The following EVC variants were observed in gnomAD, a reference collection of about 807,000 sequenced individuals.
EVC encodes the protein evC complex member EVC.
In EVC, 116 loss-of-function variants were observed where a neutral mutation model predicts 118.9. The ratio of observed to expected loss-of-function variants is 0.98; its 90% CI spans 0.84 to 1.14. The LOEUF (loss-of-function observed/expected upper bound fraction) is 1.14, where lower values mean the gene tolerates loss of function less well. Ranked by LOEUF, EVC falls within the 50% of genes most tolerant of loss-of-function variation. The pLI, the probability that EVC is intolerant of heterozygous loss-of-function variation, is 0.00. For missense variants in EVC, 1,401 were observed against 1,246.4 expected (o/e 1.12, Z -1.87); for synonymous variants, 619 against 534.7 (o/e 1.16, Z -2.18).
intron 1 of EVC, among the ~76,000 whole-genome samples, chr4:5,714,092 C>T (rs1723537940): frequency 1.3e-5 from 2 of 152,180 alleles, no homozygotes; most frequent in African/African-American, 2.4e-5. Context: ...GTTCTCTCCG[C>T]CTGCGCGGTC....
At chr4:5,729,485 G>C (rs1726436058) in intron 3 of EVC, 95 bp downstream of exon 3, 7 of 1,259,868 alleles carry the variant, frequency 5.6e-6, no homozygotes, top group Non-Finnish European at 8.1e-6. Context: ...GTGATGTTTG[G>C]TCCTGTTTGA....
chr4:5,802,953 G>T (rs184197634), intron 16 of EVC, among the ~76,000 whole-genome samples: 2 of 152,136 alleles, frequency 1.3e-5, no homozygotes, highest in African/African-American at 4.8e-5. Flanking sequence ...GATTTCGTCT[G>T]TGAGCTTCCT....
chr4:5,779,911 T>G (rs1392270255), intron 11 of EVC, among the ~76,000 whole-genome samples: 4 of 149,892 alleles, frequency 2.7e-5, no homozygotes, highest in South Asian at 2.1e-4. Context: ...GGCATCCCTG[T>G]CTTGTGCCAG....
chr4:5,827,117 C>G, the EVC span, among the ~76,000 whole-genome samples: 1 of 152,184 alleles, frequency 6.6e-6, no homozygotes, highest in Admixed American at 6.5e-5. Flanking sequence ...TGCAATGGGA[C>G]CCCCCGATCC....
At chr4:5,712,579 G>C (rs372570187) in intron 1 of EVC, among the ~76,000 whole-genome samples, 1 of 152,196 alleles carries the variant, frequency 6.6e-6, no homozygotes, top group Non-Finnish European at 1.5e-5. Context: ...ACAAGATGGC[G>C]TGGTCTTGCT....
chr4:5,715,512 G>A (rs550499308), intron 1 of EVC, among the ~76,000 whole-genome samples: 11 of 152,138 alleles, frequency 7.2e-5, no homozygotes, highest in Admixed American at 6.6e-5. Context: ...CGTCTCTTCT[G>A]GGTTGAATCC....
At chr4:5,758,646 T>A (rs948260456) in intron 11 of EVC, among the ~76,000 whole-genome samples, 1 of 152,200 alleles carries the variant, frequency 6.6e-6, no homozygotes, top group African/African-American at 2.4e-5. Flanking sequence ...TAACATGCTG[T>A]GTGACCTTGG....
At chr4:5,769,082 A>T (rs112872958) in intron 11 of EVC, among the ~76,000 whole-genome samples, 203 of 152,242 alleles carry the variant, frequency 1.3e-3, no homozygotes, top group Non-Finnish European at 2.5e-3. Flanking sequence ...TTGTTCTCAC[A>T]CTTGTAATAA....
At chr4:5,809,267 G>C (rs764243306) in intron 18 of EVC, among the ~76,000 whole-genome samples, 6 of 152,204 alleles carry the variant, frequency 3.9e-5, no homozygotes, top group Non-Finnish European at 8.8e-5. Flanking sequence ...TCTGACCTCA[G>C]TGTACTCTGT....
intron 12 of EVC, among the ~76,000 whole-genome samples, chr4:5,786,766 G>C (rs1363255332): frequency 6.6e-6 from 1 of 151,940 alleles, no homozygotes; most frequent in African/African-American, 2.4e-5. Context: ...CAGCTACTCG[G>C]GAGGCTGAGG....
chr4:5,761,732 G>T (rs936590240), intron 11 of EVC, among the ~76,000 whole-genome samples: 2 of 151,816 alleles, frequency 1.3e-5, no homozygotes, highest in African/African-American at 4.9e-5. Context: ...TTTCTGTTTA[G>T]TCCTTAGGGA....
chr4:5,800,580 T>C (rs1019957553), intron 15 of EVC, among the ~76,000 whole-genome samples: 2 of 152,004 alleles, frequency 1.3e-5, no homozygotes, highest in African/African-American at 2.4e-5. Context: ...TCCGCCACTT[T>C]ACTGTGGCAG....
At chr4:5,739,686 C>G (rs1273355849) in intron 5 of EVC, among the ~76,000 whole-genome samples, 2 of 152,100 alleles carry the variant, frequency 1.3e-5, no homozygotes, top group Non-Finnish European at 2.9e-5. Flanking sequence ...TGAGTAGTTG[C>G]AAAAGAGATC....
intron 13 of EVC, among the ~76,000 whole-genome samples, chr4:5,795,632 A>G (rs1560422381): frequency 6.6e-6 from 1 of 152,210 alleles, no homozygotes; most frequent in African/African-American, 2.4e-5. Context: ...AGCCTGGGCT[A>G]CAGAGTGAGA....
intron 5 of EVC, 128 bp downstream of exon 5, chr4:5,733,563 TGGG>T: frequency 1.1e-6 from 1 of 876,458 alleles, no homozygotes; most frequent in Non-Finnish European, 1.9e-6. Context: ...CGCTGTGAGG[TGGG>T]GGAAAGCGGC....
At position 5,736,988 on chromosome 4, in the gene EVC, G is replaced by A. The variant is rs146224487; in HGVS notation, c.702+3553G>A. Among the ~76,000 whole-genome samples, 408 of 152,326 alleles carry A rather than the reference G, an allele frequency of 2.7e-3. 3 individuals carry two copies. The highest frequency in any genetic ancestry group is 8.8e-3 in the African/African-American group (367 of 41,582). On this transcript the variant is annotated intron_variant, in intron 5 of 20. Transcript: ENST00000264956. ...GGTCTAAAGCTGAGATAGGCTGAAA[G>A]CTGGGCTTCTTATACCACACAGCCA...
At chr4:5,770,188 C>T (rs866607064) in intron 11 of EVC, among the ~76,000 whole-genome samples, 2 of 152,102 alleles carry the variant, frequency 1.3e-5, no homozygotes, top group African/African-American at 4.8e-5. Context: ...GAAGCTTGCC[C>T]AGGCTTCAGT....
Position 5,752,918 on chromosome 4 carries a change from G to C in EVC, c.1181G>C (p.Arg394Thr). 1 of 1,614,200 alleles carries C rather than the reference G, an allele frequency of 6.2e-7. No homozygotes were observed. Among genetic ancestry groups the C allele is most frequent in the Non-Finnish European group, 8.5e-7 (1 of 1,180,042 alleles). The change falls in exon 9 of 21, where the codon AGG becomes ACG. Residue 394 changes from arginine (R) to threonine (T), a missense_variant. Coordinates refer to ENST00000264956, the MANE Select transcript of EVC (RefSeq NM_153717.3). ...FLKLQVQEET[R>T]CRLAAISHGL... ...AAGCTGCAAGTCCAGGAGGAGACCA[G>C]GTGCCGGCTGGCTGCCATCTCCCAC...
intron 2 of EVC, 67 bp from the exon 3 acceptor site, chr4:5,729,240 A>G: frequency 6.6e-7 from 1 of 1,518,606 alleles, no homozygotes; most frequent in East Asian, 2.3e-5. Context: ...GCATTTTGGA[A>G]AAACTTGACA....
Sources: allele counts gnomAD v4.1 joint callset (sites outside exome capture counted in the v4.1 genomes callset), GRCh38; gene constraint gnomAD v4.1.1; transcripts MANE v1.5; gene names NCBI Gene and HGNC (gene_info 2026-07-23, HGNC 2026-07-21).